The following SSBP3 variants were observed in gnomAD, a reference collection of about 807,000 sequenced individuals.
SSBP3 encodes the protein single stranded DNA binding protein 3.
In SSBP3, 5 loss-of-function variants were observed where a neutral mutation model predicts 69.6. That is an observed-to-expected ratio of 0.07 (90% confidence interval 0.04 to 0.15). The LOEUF is 0.15. SSBP3 is among the 10% of genes least tolerant of loss of function. SSBP3 has a pLI of 1.00. For missense variants in SSBP3, 312 were observed against 534.0 expected (o/e 0.58, Z 4.10); for synonymous variants, 196 against 193.4 (o/e 1.01, Z -0.11).
At chr1:54,402,316 G>A (rs1056674766) in intron 3 of SSBP3, among the ~76,000 whole-genome samples, 19 of 152,304 alleles carry the variant, frequency 1.2e-4, no homozygotes, top group Non-Finnish European at 2.2e-4. Context: ...GAGGATGAAC[G>A]CAAATGTGGA....
chr1:54,353,852 T>A (rs1337269770), intron 4 of SSBP3, among the ~76,000 whole-genome samples: 2 of 152,204 alleles, frequency 1.3e-5, no homozygotes, highest in Non-Finnish European at 2.9e-5. Context: ...TCTGCTGAGA[T>A]CTCTCTTTCC....
At chr1:54,299,110 T>C (rs556142180) in intron 4 of SSBP3, among the ~76,000 whole-genome samples, 76 of 152,104 alleles carry the variant, frequency 5.0e-4, no homozygotes, top group Admixed American at 1.7e-3. Flanking sequence ...AAGACAATAT[T>C]TTAGAAGAGA....
chr1:54,392,873 A>C (rs1438256015), intron 4 of SSBP3, among the ~76,000 whole-genome samples: 1 of 152,236 alleles, frequency 6.6e-6, no homozygotes, highest in African/African-American at 2.4e-5. Flanking sequence ...AGCTGGTAAC[A>C]AACGACTAGG....
chr1:54,235,448 A>ATTTTTTTTTTTTTTTTTTTTT (rs71580002), intron 14 of SSBP3, among the ~76,000 whole-genome samples: 6 of 69,922 alleles, frequency 8.6e-5, no homozygotes, highest in South Asian at 5.6e-4. Flanking sequence ...TGCCCGGCTG[A>ATTTTTTTTTTTTTTTTTTTTT]TTTTTTTTTT....
At chr1:54,277,071 A>G (rs981491613) in intron 5 of SSBP3, among the ~76,000 whole-genome samples, 5 of 152,190 alleles carry the variant, frequency 3.3e-5, no homozygotes, top group African/African-American at 4.8e-5. Context: ...CATGCCTTGC[A>G]TATCAGAGAC....
At chr1:54,297,296 A>C (rs1028005643) in intron 4 of SSBP3, among the ~76,000 whole-genome samples, 2 of 152,224 alleles carry the variant, frequency 1.3e-5, no homozygotes, top group African/African-American at 4.8e-5. Flanking sequence ...GGCCTACCTC[A>C]CAACAGTGGC....
chr1:54,280,603 G>A (rs1041632246), intron 5 of SSBP3, among the ~76,000 whole-genome samples: 3 of 152,160 alleles, frequency 2.0e-5, no homozygotes, highest in Non-Finnish European at 2.9e-5. Flanking sequence ...TGTTATGATC[G>A]AGAGTGTCAT....
At chr1:54,252,515 GGGCGGGACA>G (rs1355515984) in intron 7 of SSBP3, among the ~76,000 whole-genome samples, 12 of 150,674 alleles carry the variant, frequency 8.0e-5, no homozygotes, top group Admixed American at 2.0e-4. Flanking sequence ...CCCAGCCCCG[GGGCGGGACA>G]GGTGGCCACT....
intron 14 of SSBP3, among the ~76,000 whole-genome samples, chr1:54,232,147 C>T (rs1016789522): frequency 6.6e-6 from 1 of 152,170 alleles, no homozygotes; most frequent in Admixed American, 6.5e-5. Flanking sequence ...ACAATAGGAA[C>T]TGTTAACAGC....
intron 4 of SSBP3, among the ~76,000 whole-genome samples, chr1:54,344,896 C>T (rs1004115228): frequency 4.6e-4 from 70 of 152,196 alleles, no homozygotes; most frequent in Admixed American, 3.9e-3. Flanking sequence ...TGCTTGAGCG[C>T]GTCGCTGGCA....
At chr1:54,234,565 G>A (rs1331452580) in intron 14 of SSBP3, among the ~76,000 whole-genome samples, 2 of 151,626 alleles carry the variant, frequency 1.3e-5, no homozygotes, top group Non-Finnish European at 2.9e-5. Context: ...CTCTAGACTG[G>A]GTGACAGACA....
exon 3 of SSBP3, chr1:54,404,634 G>C (rs1454027075): frequency 6.2e-7 from 1 of 1,613,746 alleles, no homozygotes; most frequent in Non-Finnish European, 8.5e-7. Context: ...TTTTCCCATC[G>C]AATCTGGAAA....
At chr1:54,350,581 C>A (rs1263021779) in intron 4 of SSBP3, among the ~76,000 whole-genome samples, 1 of 152,156 alleles carries the variant, frequency 6.6e-6, no homozygotes, top group Non-Finnish European at 1.5e-5. Flanking sequence ...CCGGGTTTGG[C>A]TGAGGAGCTC....
intron 4 of SSBP3, among the ~76,000 whole-genome samples, chr1:54,366,304 T>C (rs1264018103): frequency 6.6e-6 from 1 of 152,188 alleles, no homozygotes; most frequent in Non-Finnish European, 1.5e-5. Flanking sequence ...CCAGTCCCTT[T>C]CCTGAGTACC....
intron 4 of SSBP3, among the ~76,000 whole-genome samples, chr1:54,367,372 C>G (rs1647045573): frequency 6.6e-6 from 1 of 152,196 alleles, no homozygotes; most frequent in African/African-American, 2.4e-5. Context: ...GCCCCATTGT[C>G]TCTGTAGTCC....
intron 4 of SSBP3, among the ~76,000 whole-genome samples, chr1:54,334,306 T>C (rs564750925): frequency 1.6e-3 from 240 of 148,890 alleles, no homozygotes; most frequent in Non-Finnish European, 3.0e-3. Flanking sequence ...GAGCTGAGAT[T>C]GGGCCACTGC....
intron 4 of SSBP3, among the ~76,000 whole-genome samples, chr1:54,282,127 A>G (rs1254395719): frequency 6.6e-6 from 1 of 152,174 alleles, no homozygotes; most frequent in Non-Finnish European, 1.5e-5. Context: ...ACAGCCTGAG[A>G]CAAAGTGCCA....
At chr1:54,240,477 G>C (rs1469432403) in intron 13 of SSBP3, among the ~76,000 whole-genome samples, 2 of 126,772 alleles carry the variant, frequency 1.6e-5, no homozygotes, top group African/African-American at 2.8e-5. Context: ...AAAAAAGGGG[G>C]GGGGGGCGGG....
chr1:54,362,443 G>A (rs1423678484), intron 4 of SSBP3, among the ~76,000 whole-genome samples: 3 of 152,246 alleles, frequency 2.0e-5, no homozygotes, highest in Admixed American at 2.0e-4. Context: ...GGGTTGCTTT[G>A]TGGAAAGACT....
Sources: allele counts gnomAD v4.1 joint callset (sites outside exome capture counted in the v4.1 genomes callset), GRCh38; gene constraint gnomAD v4.1.1; transcripts MANE v1.5; gene names NCBI Gene and HGNC (gene_info 2026-07-23, HGNC 2026-07-21).